Variants in PAPPA2 observed in about 807,000 individuals in gnomAD.
The protein encoded by PAPPA2 is pappalysin-2.
A neutral mutation model predicts 176.4 loss-of-function variants in PAPPA2; 86 were observed. That is an observed-to-expected ratio of 0.49 (90% CI 0.41 to 0.58). The LOEUF is 0.58. Ranked by LOEUF, PAPPA2 falls within the 20% of genes least tolerant of loss-of-function variation. The pLI is 0.00. For synonymous variants in PAPPA2, 809 were observed against 852.2 expected (o/e 0.95, Z 0.88); for missense variants, 2,073 against 2,256.9 (o/e 0.92, Z 1.65).
chr1:176,588,724 A>G (rs537070824), intron 2 of PAPPA2, among the ~76,000 whole-genome samples: 1 of 152,290 alleles, frequency 6.6e-6, no homozygotes, highest in Admixed American at 6.5e-5. Context: ...CATAATGTCC[A>G]TGGTAAGTCA....
chr1:176,562,026 A>C (rs1331880173), intron 2 of PAPPA2, among the ~76,000 whole-genome samples: 1 of 152,102 alleles, frequency 6.6e-6, no homozygotes, highest in African/African-American at 2.4e-5. Flanking sequence ...ACCCACCCCC[A>C]TGATTCAATT....
chr1:176,838,894 T>C (rs1160723591), intron 21 of PAPPA2, among the ~76,000 whole-genome samples: 1 of 152,224 alleles, frequency 6.6e-6, no homozygotes, highest in African/African-American at 2.4e-5. Flanking sequence ...TCAAATGACA[T>C]CAGGATCCCA....
chr1:176,495,476 G>T (rs1389514770), intron 1 of PAPPA2, among the ~76,000 whole-genome samples: 1 of 150,840 alleles, frequency 6.6e-6, no homozygotes, highest in East Asian at 2.0e-4. Context: ...GGAGGTGGAG[G>T]TTGCAGTGAG....
chr1:176,469,452 G>A (rs1257788545), intron 1 of PAPPA2, among the ~76,000 whole-genome samples: 1 of 152,110 alleles, frequency 6.6e-6, no homozygotes, highest in African/African-American at 2.4e-5. Flanking sequence ...GCCTGTGAGT[G>A]GAACATGGAA....
chr1:176,618,057 A>G (rs939695256), intron 3 of PAPPA2, among the ~76,000 whole-genome samples: 1 of 152,212 alleles, frequency 6.6e-6, no homozygotes, highest in Non-Finnish European at 1.5e-5. Context: ...TAGATGACAT[A>G]CTAAGTGTGA....
At chr1:176,476,659 C>G (rs79804130) in intron 1 of PAPPA2, among the ~76,000 whole-genome samples, 8,517 of 152,156 alleles carry the variant, frequency 0.056, 295 homozygotes, top group Middle Eastern at 0.12. Context: ...CTTCAAGAAG[C>G]CTTTTCATTT....
At chr1:176,494,065 A>T (rs1647461085) in intron 1 of PAPPA2, among the ~76,000 whole-genome samples, 1 of 152,216 alleles carries the variant, frequency 6.6e-6, no homozygotes, top group South Asian at 2.1e-4. Flanking sequence ...ATAAATATTA[A>T]GACAAAGCTA....
chr1:176,814,909 T>C (rs1177816410), intron 21 of PAPPA2, among the ~76,000 whole-genome samples: 1 of 152,190 alleles, frequency 6.6e-6, no homozygotes, highest in Admixed American at 6.5e-5. Context: ...AGTATGATGT[T>C]GGCTGTGGGT....
chr1:176,647,367 C>G (rs1268326198), intron 3 of PAPPA2, among the ~76,000 whole-genome samples: 1 of 151,546 alleles, frequency 6.6e-6, no homozygotes, highest in East Asian at 1.9e-4. Flanking sequence ...TGGGTTATCT[C>G]TTCACTTTGT....
intron 21 of PAPPA2, among the ~76,000 whole-genome samples, chr1:176,821,133 T>C (rs1240358444): frequency 2.0e-5 from 3 of 152,232 alleles, no homozygotes. Flanking sequence ...TATGTATTTC[T>C]TCAGTGAAAA....
chr1:176,773,031 GA>G (rs1206347900), intron 17 of PAPPA2, among the ~76,000 whole-genome samples: 1 of 152,028 alleles, frequency 6.6e-6, no homozygotes, highest in Non-Finnish European at 1.5e-5. Context: ...TTTATGTTGG[GA>G]AAAAACGAGG....
intron 1 of PAPPA2, among the ~76,000 whole-genome samples, chr1:176,525,382 A>G (rs1027732213): frequency 3.3e-5 from 5 of 152,208 alleles, no homozygotes; most frequent in Non-Finnish European, 7.3e-5. Context: ...AGAAGGTGTG[A>G]TACATTAGGA....
chr1:176,510,710 G>A (rs974907221), intron 1 of PAPPA2, among the ~76,000 whole-genome samples: 1 of 151,182 alleles, frequency 6.6e-6, no homozygotes, highest in Non-Finnish European at 1.5e-5. Flanking sequence ...ACAAAGAATG[G>A]GAAGGAGAAA....
chr1:176,752,336 GTAT>G (rs1663217694), intron 14 of PAPPA2, among the ~76,000 whole-genome samples: 1 of 89,268 alleles, frequency 1.1e-5, no homozygotes, highest in South Asian at 4.1e-4. Context: ...AAAACTTAGA[GTAT>G]AATAAAAAAA....
At chr1:176,613,333 A>G (rs1344277168) in intron 3 of PAPPA2, among the ~76,000 whole-genome samples, 10 of 152,236 alleles carry the variant, frequency 6.6e-5, no homozygotes, top group Non-Finnish European at 1.5e-4. Flanking sequence ...ACAGAACTTC[A>G]CTGCTGGACC....
At chr1:176,666,487 T>A (rs1328657680) in intron 3 of PAPPA2, among the ~76,000 whole-genome samples, 2 of 151,550 alleles carry the variant, frequency 1.3e-5, no homozygotes, top group African/African-American at 4.9e-5. Flanking sequence ...GGGTGTTAGC[T>A]AGGATTTTCT....
chr1:176,701,125 C>T (rs1660636583), intron 8 of PAPPA2, among the ~76,000 whole-genome samples: 1 of 151,924 alleles, frequency 6.6e-6, no homozygotes, highest in Admixed American at 6.6e-5. Flanking sequence ...AAATCTGAGG[C>T]TTAACTTTGA....
intron 21 of PAPPA2, among the ~76,000 whole-genome samples, chr1:176,813,549 ATCTT>A (rs1454479003): frequency 6.6e-6 from 1 of 151,966 alleles, no homozygotes; most frequent in Non-Finnish European, 1.5e-5. Context: ...GGTGATGTTG[ATCTT>A]TCTTTCATAT....
intron 1 of PAPPA2, among the ~76,000 whole-genome samples, chr1:176,470,916 C>G (rs1199942325): frequency 6.6e-6 from 1 of 151,900 alleles, no homozygotes; most frequent in Non-Finnish European, 1.5e-5. Context: ...AAGCTGGCCC[C>G]ATGCTTTAGT....
Sources: gnomAD v4.1 joint callset for allele counts (sites outside exome capture counted in the v4.1 genomes callset) on GRCh38, gnomAD v4.1.1 for gene constraint, MANE v1.5 for transcripts, NCBI Gene and HGNC (gene_info 2026-07-23, HGNC 2026-07-21) for gene names.